Variants in CCR5AS observed in about 807,000 individuals in gnomAD.
The protein encoded by CCR5AS is CCR5 antisense RNA.
At chr3:46,371,543 G>A (rs1430376674) in intron 2 of CCR5AS, 2 of 152,058 alleles carry the variant, frequency 1.3e-5, no homozygotes, top group African/African-American at 4.8e-5. Context: ...AGCTTTTCTA[G>A]GGGCTTCTCT....
At chr3:46,384,937 G>A (rs1255634326) in intron 2 of CCR5AS, among the ~76,000 whole-genome samples, 1 of 152,214 alleles carries the variant, frequency 6.6e-6, no homozygotes, top group African/African-American at 2.4e-5. Context: ...ACTGGTGTGA[G>A]TGTGGGTGTG....
At chr3:46,373,683 C>T (rs775289875) in intron 2 of CCR5AS, 24 of 1,613,962 alleles carry the variant, frequency 1.5e-5, no homozygotes, top group Non-Finnish European at 1.9e-5. Flanking sequence ...GAACACCTTC[C>T]AGGAATTCTT....
intron 1 of CCR5AS, among the ~76,000 whole-genome samples, chr3:46,403,089 G>A (rs376982704): frequency 6.6e-6 from 1 of 152,234 alleles, no homozygotes; most frequent in East Asian, 1.9e-4. Flanking sequence ...TTTCATGGCT[G>A]CATAGTATTC....
intron 1 of CCR5AS, among the ~76,000 whole-genome samples, chr3:46,397,948 G>A (rs1701975351): frequency 6.6e-6 from 1 of 152,232 alleles, no homozygotes; most frequent in African/African-American, 2.4e-5. Context: ...AAAAGGCCAT[G>A]TCCGTGTAAC....
chr3:46,388,056 A>G (rs1701878174), intron 2 of CCR5AS, among the ~76,000 whole-genome samples: 1 of 152,214 alleles, frequency 6.6e-6, no homozygotes, highest in Non-Finnish European at 1.5e-5. Context: ...CAGTTGCTTC[A>G]GGCCATCTGG....
intron 2 of CCR5AS, among the ~76,000 whole-genome samples, chr3:46,377,715 T>C (rs1701776152): frequency 6.6e-6 from 1 of 151,868 alleles, no homozygotes; most frequent in Non-Finnish European, 1.5e-5. Flanking sequence ...AACTTTCCTT[T>C]TTTTTTTTGA....
At chr3:46,373,837 T>A in intron 2 of CCR5AS, 2 of 1,614,090 alleles carry the variant, frequency 1.2e-6, no homozygotes, top group Non-Finnish European at 1.7e-6. Flanking sequence ...TTAGTCTTCT[T>A]CCAAAAGCAC....
intron 2 of CCR5AS, chr3:46,373,520 G>A (rs139737901): frequency 3.3e-5 from 53 of 1,613,100 alleles, no homozygotes; most frequent in African/African-American, 1.6e-4. Context: ...TGGTCCTGCC[G>A]CTGCTTGTCA....
rs564590717 is a variant in CCR5AS at position 46,398,235 on chromosome 3, T to C, written n.164-5183A>G. 4.6e-5 allele frequency among the ~76,000 whole-genome samples: 7 copies of C among 152,278 alleles called. No individual in the cohort carries two copies. In the East Asian group the frequency reaches 1.4e-3, roughly 29 times the overall value. ...GGCGCGGAAAATTCATATCAGGCCATTGATGCCCTCAATGTTCCCGGCTGA... is the reference window on the plus strand; with the variant it reads ...GGCGCGGAAAATTCATATCAGGCCACTGATGCCCTCAATGTTCCCGGCTGA... On this transcript the variant is annotated intron_variant and non_coding_transcript_variant, in intron 1 of 3. Transcript: ENST00000451485.
chr3:46,383,748 A>C (rs187544414), intron 2 of CCR5AS, among the ~76,000 whole-genome samples: 1 of 152,092 alleles, frequency 6.6e-6, no homozygotes. Flanking sequence ...GAAACCCCTA[A>C]GGGGGTTCTT....
chr3:46,389,831 G>A (rs1575285499), intron 2 of CCR5AS, among the ~76,000 whole-genome samples: 1 of 152,294 alleles, frequency 6.6e-6, no homozygotes, highest in East Asian at 1.9e-4. Context: ...TTGTTTGGTG[G>A]TGGGGGTTGG....
chr3:46,384,684 C>T (rs572096377), intron 2 of CCR5AS, among the ~76,000 whole-genome samples: 56 of 152,250 alleles, frequency 3.7e-4, no homozygotes, highest in African/African-American at 1.3e-3. Flanking sequence ...GAGAGCATTG[C>T]TGCAGTTGAA....
chr3:46,400,470 C>T (rs1701997428), intron 1 of CCR5AS, among the ~76,000 whole-genome samples: 2 of 152,120 alleles, frequency 1.3e-5, no homozygotes, highest in African/African-American at 2.4e-5. Flanking sequence ...TAGTCAGAGG[C>T]TGGAAGGCTT....
At chr3:46,372,627 G>C in intron 2 of CCR5AS, 1 of 308,060 alleles carries the variant, frequency 3.2e-6, no homozygotes. Context: ...TGGTGCTATA[G>C]AGCACAAGAT....
rs559963473 is a variant in CCR5AS, at chr3:46,398,051, G to T, written n.164-4999C>A. Among the ~76,000 whole-genome samples, 22 of 152,296 alleles carry T rather than the reference G, an allele frequency of 1.4e-4. No individual in the cohort carries two copies. The South Asian group carries it at 4.6e-3, about 32-fold the overall frequency. On this transcript the variant is annotated intron_variant and non_coding_transcript_variant, in intron 1 of 3. Coordinates refer to ENST00000451485, the Ensembl canonical transcript of CCR5AS. ...ATGTAAATCTAGCACTTGGGAAAAG[G>T]GGGACTAGAAGAAATTCACCCACAG... is the stretch of plus-strand genomic sequence containing the variant.
chr3:46,377,862 C>T (rs1048775020), intron 2 of CCR5AS, among the ~76,000 whole-genome samples: 6 of 152,132 alleles, frequency 3.9e-5, no homozygotes, highest in Admixed American at 2.0e-4. Context: ...TGCACCACCA[C>T]GCCTGGGTAA....
At chr3:46,364,920 T>C (rs571758227) in exon 4 of CCR5AS, 4 of 152,386 alleles carry the variant, frequency 2.6e-5, no homozygotes, top group South Asian at 4.1e-4. Context: ...GAACTAGAAG[T>C]GGAGCCTGAA....
At chr3:46,404,067 C>T (rs147431953) in intron 1 of CCR5AS, among the ~76,000 whole-genome samples, 132 of 152,242 alleles carry the variant, frequency 8.7e-4, no homozygotes, top group African/African-American at 3.0e-3. Flanking sequence ...AGCTGAAAGG[C>T]GATAAATCAG....
chr3:46,382,824 C>T (rs1440729338), intron 2 of CCR5AS, among the ~76,000 whole-genome samples: 1 of 152,152 alleles, frequency 6.6e-6, no homozygotes, highest in Non-Finnish European at 1.5e-5. Flanking sequence ...TGAACTTTGG[C>T]ATCAGTGTTT....
Sources: gnomAD v4.1 joint callset for allele counts (sites outside exome capture counted in the v4.1 genomes callset) on GRCh38, gnomAD v4.1.1 for gene constraint, MANE v1.5 for transcripts, NCBI Gene and HGNC (gene_info 2026-07-23, HGNC 2026-07-21) for gene names.